The following MGAT4C variants were observed in gnomAD, a reference collection of about 807,000 sequenced individuals.
The protein encoded by MGAT4C is MGAT4 family member C.
MGAT4C carries 19 observed loss-of-function variants against 40.1 expected under a neutral mutation model. The observed-to-expected ratio is 0.47, with a 90% CI of 0.33 to 0.70. The LOEUF is 0.70. Ranked by LOEUF, MGAT4C falls within the 30% of genes least tolerant of loss-of-function variation. The pLI is 0.02. For synonymous variants in MGAT4C, 181 were observed against 187.1 expected (o/e 0.97, Z 0.27); for missense variants, 491 against 563.2 (o/e 0.87, Z 1.30).
rs71078908 is a variant in MGAT4C, at chr12:86,514,067, A to AACACACACAC, written c.-228-78812_-228-78803dup. Among the ~76,000 whole-genome samples, 260 of 134,016 alleles carry AACACACACAC rather than the reference A, an allele frequency of 1.9e-3. 1 individual carries two copies. The highest frequency in any genetic ancestry group is 9.5e-3 in the East Asian group (42 of 4,440). 87.9% of individuals were successfully genotyped at this position (134,016 alleles called of 152,430 possible). On this transcript the variant is annotated intron_variant, in intron 2 of 7. Transcript: ENST00000548651. ...TAAGTGTTGAATGAAGCCATGCACC[A>AACACACACAC]ACACACACACACACACACACACACA...
intron 1 of MGAT4C, among the ~76,000 whole-genome samples, chr12:86,212,349 T>C (rs1439042502): frequency 2.6e-5 from 4 of 152,164 alleles, no homozygotes; most frequent in Non-Finnish European, 4.4e-5. Context: ...TATATATCTT[T>C]AAAATACATT....
intron 2 of MGAT4C, among the ~76,000 whole-genome samples, chr12:86,720,267 G>C (rs1416589506): frequency 1.3e-5 from 2 of 150,520 alleles, no homozygotes; most frequent in East Asian, 3.9e-4. Context: ...CCGAAATCAT[G>C]TGTTCCAAGA....
chr12:86,614,648 A>ATAT (rs1555211453), intron 2 of MGAT4C, among the ~76,000 whole-genome samples: 8 of 150,780 alleles, frequency 5.3e-5, no homozygotes, highest in African/African-American at 1.9e-4. Flanking sequence ...TATTTGCAAA[A>ATAT]ATATATATAT....
intron 2 of MGAT4C, among the ~76,000 whole-genome samples, chr12:86,633,985 G>T (rs1413584976): frequency 6.6e-6 from 1 of 151,896 alleles, no homozygotes; most frequent in Non-Finnish European, 1.5e-5. Context: ...TTCTAACTCT[G>T]ATGTGAAGAA....
intron 1 of MGAT4C, among the ~76,000 whole-genome samples, chr12:86,818,855 G>T (rs1443427807): frequency 1.3e-5 from 2 of 150,934 alleles, no homozygotes; most frequent in Non-Finnish European, 3.0e-5. Flanking sequence ...GAATGGACAA[G>T]ATATTTAAAC....
intron 1 of MGAT4C, among the ~76,000 whole-genome samples, chr12:86,774,086 T>C (rs1467765845): frequency 6.6e-6 from 1 of 150,872 alleles, no homozygotes; most frequent in African/African-American, 2.4e-5. Flanking sequence ...CCTAAGCAGC[T>C]GGGACTACAG....
intron 2 of MGAT4C, among the ~76,000 whole-genome samples, chr12:86,492,281 A>G (rs1230074081): frequency 6.6e-6 from 1 of 152,218 alleles, no homozygotes; most frequent in African/African-American, 2.4e-5. Flanking sequence ...TTCTTCACAG[A>G]ATTGGAAAAA....
chr12:85,998,668 A>G (rs1886930874), intron 2 of MGAT4C, among the ~76,000 whole-genome samples: 1 of 152,164 alleles, frequency 6.6e-6, no homozygotes, highest in African/African-American at 2.4e-5. Flanking sequence ...AACAAGAGTC[A>G]CTTTTGCTCC....
At chr12:86,276,871 T>C (rs914694989) in intron 4 of MGAT4C, among the ~76,000 whole-genome samples, 3 of 152,238 alleles carry the variant, frequency 2.0e-5, no homozygotes, top group Non-Finnish European at 4.4e-5. Flanking sequence ...ATCTTGGCTA[T>C]TATAAATAGT....
intron 4 of MGAT4C, among the ~76,000 whole-genome samples, chr12:86,319,027 T>G (rs1954311485): frequency 6.6e-6 from 1 of 152,158 alleles, no homozygotes; most frequent in South Asian, 2.1e-4. Flanking sequence ...CTCTATTTCT[T>G]AAGATGTGAC....
chr12:86,464,449 C>T (rs1395931775), intron 2 of MGAT4C, among the ~76,000 whole-genome samples: 1 of 152,102 alleles, frequency 6.6e-6, no homozygotes, highest in Admixed American at 6.5e-5. Flanking sequence ...AACGTGCACA[C>T]CTGCTTATAT....
chr12:86,361,001 G>A (rs1955451892), intron 3 of MGAT4C, among the ~76,000 whole-genome samples: 1 of 150,424 alleles, frequency 6.6e-6, no homozygotes, highest in South Asian at 2.1e-4. Context: ...AATTCATATG[G>A]AACCAAAATA....
intron 2 of MGAT4C, among the ~76,000 whole-genome samples, chr12:86,564,298 T>A (rs905566423): frequency 6.6e-6 from 1 of 152,204 alleles, no homozygotes; most frequent in African/African-American, 2.4e-5. Context: ...AATCCCTTTT[T>A]TTTTTTCTAT....
intron 2 of MGAT4C, among the ~76,000 whole-genome samples, chr12:85,992,427 C>T (rs1221153133): frequency 6.6e-6 from 1 of 152,212 alleles, no homozygotes; most frequent in African/African-American, 2.4e-5. Context: ...AACTCCAGTC[C>T]CTGACTGCCC....
At chr12:86,374,537 T>C (rs1013555659) in intron 3 of MGAT4C, among the ~76,000 whole-genome samples, 6 of 152,134 alleles carry the variant, frequency 3.9e-5, no homozygotes, top group Non-Finnish European at 7.4e-5. Context: ...ATCAATATAT[T>C]AAATTTGGCA....
chr12:86,779,603 AAAT>A (rs72019715), intron 1 of MGAT4C, among the ~76,000 whole-genome samples: 107,947 of 148,958 alleles, frequency 0.72, 40,834 homozygotes, highest in Non-Finnish European at 0.83. Context: ...ACTTGTCTCA[AAAT>A]AATAATAATA....
At chr12:86,050,289 G>A (rs559739116) in intron 1 of MGAT4C, among the ~76,000 whole-genome samples, 1 of 152,134 alleles carries the variant, frequency 6.6e-6, no homozygotes, top group Non-Finnish European at 1.5e-5. Flanking sequence ...GCTATTGAAT[G>A]TCTGCCAGAC....
chr12:86,002,634 G>A (rs1350950880), intron 2 of MGAT4C, among the ~76,000 whole-genome samples: 1 of 148,988 alleles, frequency 6.7e-6, no homozygotes, highest in African/African-American at 2.5e-5. Flanking sequence ...TATACATATA[G>A]GTATAGAATA....
At chr12:86,429,231 A>C (rs914000762) in intron 3 of MGAT4C, among the ~76,000 whole-genome samples, 11 of 152,178 alleles carry the variant, frequency 7.2e-5, no homozygotes, top group Non-Finnish European at 1.5e-4. Flanking sequence ...TTGGTTGTTC[A>C]GGATCATGTT....
Sources: gnomAD v4.1 joint callset for allele counts (sites outside exome capture counted in the v4.1 genomes callset) on GRCh38, gnomAD v4.1.1 for gene constraint, MANE v1.5 for transcripts, NCBI Gene and HGNC (gene_info 2026-07-23, HGNC 2026-07-21) for gene names.